Variants in MCM9 observed in about 807,000 individuals in gnomAD.
MCM9 encodes the protein minichromosome maintenance 9 homologous recombination repair factor, also known as DNA helicase MCM9.
In MCM9, 55 loss-of-function variants were observed where a neutral mutation model predicts 72.8. The ratio of observed to expected loss-of-function variants is 0.76; its 90% CI spans 0.61 to 0.95. MCM9 has a LOEUF of 0.95. Ranked by LOEUF, MCM9 falls within the 40% of genes least tolerant of loss-of-function variation. MCM9 has a pLI of 0.00. For missense variants in MCM9, 1,279 were observed against 1,377.0 expected, an observed-to-expected ratio of 0.93 and a Z score of 1.13; for synonymous variants, 480 against 503.4, an observed-to-expected ratio of 0.95 and a Z score of 0.62.
intron 2 of MCM9, among the ~76,000 whole-genome samples, chr6:118,932,247 G>A (rs1782501466): frequency 1.3e-5 from 2 of 152,184 alleles, no homozygotes; most frequent in African/African-American, 2.4e-5. Context: ...ATATAGCCTA[G>A]GTGTGTAGTA....
intron 10 of MCM9, among the ~76,000 whole-genome samples, chr6:118,828,496 C>T (rs1774319054): frequency 6.6e-6 from 1 of 152,104 alleles, no homozygotes; most frequent in African/African-American, 2.4e-5. Flanking sequence ...AGCAATTCTC[C>T]TGCCTCAGCC....
chr6:118,921,720 G>C, intron 5 of MCM9: 1 of 256,144 alleles, frequency 3.9e-6, no homozygotes, highest in African/African-American at 2.2e-5. Context: ...GACATCAGTG[G>C]TTCTGGATTC....
intron 9 of MCM9, among the ~76,000 whole-genome samples, chr6:118,842,067 T>G (rs1775410479): frequency 6.6e-6 from 1 of 152,196 alleles, no homozygotes; most frequent in South Asian, 2.1e-4. Flanking sequence ...ACTCCTGACC[T>G]TGTGATCCAC....
intron 9 of MCM9, among the ~76,000 whole-genome samples, chr6:118,837,252 T>C (rs1351505231): frequency 6.6e-6 from 1 of 152,216 alleles, no homozygotes; most frequent in East Asian, 1.9e-4. Flanking sequence ...TTTTCACTCT[T>C]TTGCATTTGC....
chr6:118,818,615 T>C (rs1392857045), intron 13 of MCM9, among the ~76,000 whole-genome samples: 3 of 152,236 alleles, frequency 2.0e-5, no homozygotes, highest in Non-Finnish European at 4.4e-5. Flanking sequence ...ATACCGGCTC[T>C]ATTTTGGTTC....
intron 8 of MCM9, among the ~76,000 whole-genome samples, chr6:118,871,865 C>A (rs1482326421): frequency 6.6e-6 from 1 of 152,002 alleles, no homozygotes; most frequent in African/African-American, 2.4e-5. Context: ...AGAGATCGCA[C>A]CACCGAATTC....
intron 8 of MCM9, among the ~76,000 whole-genome samples, chr6:118,856,787 G>A (rs982819834): frequency 3.9e-5 from 6 of 152,050 alleles, no homozygotes; most frequent in African/African-American, 7.2e-5. Flanking sequence ...AGGCTGAGGC[G>A]GGAGGATCGC....
chr6:118,913,918 T>C (rs958590581), intron 6 of MCM9, among the ~76,000 whole-genome samples: 1 of 152,158 alleles, frequency 6.6e-6, no homozygotes, highest in Admixed American at 6.5e-5. Context: ...GTATGTACTT[T>C]CTATGTGACA....
chr6:118,835,036 G>C (rs769496316), intron 9 of MCM9, among the ~76,000 whole-genome samples: 4 of 152,150 alleles, frequency 2.6e-5, no homozygotes, highest in Admixed American at 1.3e-4. Flanking sequence ...TAAGGTGTAA[G>C]GAAGGGGTCC....
chr6:118,854,551 C>T (rs541849362), intron 9 of MCM9, among the ~76,000 whole-genome samples: 1 of 152,260 alleles, frequency 6.6e-6, no homozygotes, highest in East Asian at 1.9e-4. Flanking sequence ...GGGGGTTTCA[C>T]CATGTTGGCC....
chr6:118,880,550 C>T (rs1424578685), intron 8 of MCM9, among the ~76,000 whole-genome samples: 3 of 152,198 alleles, frequency 2.0e-5, no homozygotes, highest in Non-Finnish European at 4.4e-5. Flanking sequence ...AAAACTAAGA[C>T]AGCTAAGTAT....
At chr6:118,927,709 A>G (rs1782016942) in intron 3 of MCM9, among the ~76,000 whole-genome samples, 2 of 152,194 alleles carry the variant, frequency 1.3e-5, no homozygotes, top group Non-Finnish European at 2.9e-5. Context: ...ATAGACAGAC[A>G]CTTGTTATTT....
chr6:118,823,408 T>C (rs284915), intron 13 of MCM9, among the ~76,000 whole-genome samples: 11,606 of 152,218 alleles, frequency 0.076, 685 homozygotes, highest in East Asian at 0.19. Flanking sequence ...TCTGCTCACC[T>C]TCTGTGGGCT....
intron 8 of MCM9, among the ~76,000 whole-genome samples, chr6:118,887,701 T>C (rs1324813693): frequency 6.6e-6 from 1 of 150,436 alleles, no homozygotes; most frequent in East Asian, 1.9e-4. Context: ...TCCAAACAAC[T>C]AGAGAAACTT....
intron 8 of MCM9, among the ~76,000 whole-genome samples, chr6:118,904,321 A>T (rs1333016726): frequency 6.6e-6 from 1 of 152,168 alleles, no homozygotes; most frequent in Non-Finnish European, 1.5e-5. Context: ...GCCTTTTTGT[A>T]TCATCTACCT....
At chr6:118,884,103 T>A (rs1160849746) in intron 8 of MCM9, among the ~76,000 whole-genome samples, 1 of 152,194 alleles carries the variant, frequency 6.6e-6, no homozygotes, top group Non-Finnish European at 1.5e-5. Context: ...TGACTCCAGA[T>A]GGTAACTCAA....
rs899901438 is a variant in MCM9, at chr6:118,857,573, C to T, written c.1151-1028G>A. Among the ~76,000 whole-genome samples, 10 of 134,316 alleles carry T rather than the reference C, an allele frequency of 7.4e-5. No individual in the cohort carries two copies. In the East Asian group the frequency reaches 8.8e-4, roughly 12 times the overall value. The allele number at this position is 134,316 out of a possible 152,430, so 88.1% of individuals were successfully genotyped here. A position where few individuals can be genotyped will look rare whatever the true frequency, so the allele number is the denominator to read the frequency against. Reference sequence around the variant, plus strand: ...TTAAAAGGTATATGAAACATGAGTACGTTAAGAATAACTATTGTTGATAAA... The same window carrying T: ...TTAAAAGGTATATGAAACATGAGTATGTTAAGAATAACTATTGTTGATAAA... On this transcript the variant is annotated intron_variant, in intron 8 of 13. Coordinates refer to ENST00000619706, the MANE Select transcript of MCM9 (RefSeq NM_017696.3).
chr6:118,930,099 ATTTATTTAT>A (rs1562442268), intron 3 of MCM9, among the ~76,000 whole-genome samples: 2 of 94,034 alleles, frequency 2.1e-5, no homozygotes, highest in African/African-American at 6.4e-5. Context: ...TTATTTATTT[ATTTATTTAT>A]TTTATTTTAT....
intron 4 of MCM9, among the ~76,000 whole-genome samples, chr6:118,922,322 C>T (rs1439196820): frequency 4.6e-5 from 7 of 152,056 alleles, no homozygotes; most frequent in Admixed American, 1.3e-4. Context: ...ATCTACCTTG[C>T]GGGTGGTCAA....
Sources: allele counts gnomAD v4.1 joint callset (sites outside exome capture counted in the v4.1 genomes callset), GRCh38; gene constraint gnomAD v4.1.1; transcripts MANE v1.5; gene names NCBI Gene and HGNC (gene_info 2026-07-23, HGNC 2026-07-21).